The following COL25A1 variants were observed in gnomAD, a reference collection of about 807,000 sequenced individuals.
COL25A1 encodes the protein collagen type XXV alpha 1 chain.
Under a neutral mutation model 128.4 loss-of-function variants are expected in COL25A1, and 103 were observed. That is an observed-to-expected ratio of 0.80 (90% CI 0.68 to 0.94). The LOEUF (loss-of-function observed/expected upper bound fraction) is 0.94. Ranked by LOEUF, COL25A1 falls within the 40% of genes least tolerant of loss-of-function variation. The probability of loss-of-function intolerance (pLI) is 0.00; values close to 1 mark genes in which losing one functional copy is unlikely to be tolerated. For synonymous variants in COL25A1, 279 were observed against 277.2 expected (o/e 1.01, Z -0.06); for missense variants, 745 against 840.0 (o/e 0.89, Z 1.40).
intron 26 of COL25A1, among the ~76,000 whole-genome samples, chr4:108,851,623 G>C (rs1176388320): frequency 6.6e-6 from 1 of 152,172 alleles, no homozygotes; most frequent in African/African-American, 2.4e-5. Flanking sequence ...ATGGTTGAAT[G>C]ACTAAGCTTC....
At chr4:108,866,484 T>G (rs1737939843) in intron 20 of COL25A1, among the ~76,000 whole-genome samples, 1 of 152,202 alleles carries the variant, frequency 6.6e-6, no homozygotes, top group Non-Finnish European at 1.5e-5. Flanking sequence ...TAAGCCACCA[T>G]GCCCAGGCCC....
chr4:109,264,550 T>A (rs909013995), intron 3 of COL25A1, among the ~76,000 whole-genome samples: 1 of 151,864 alleles, frequency 6.6e-6, no homozygotes, highest in Non-Finnish European at 1.5e-5. Flanking sequence ...GAATGAAAAA[T>A]TATGGGTGGT....
At chr4:108,977,680 T>A (rs1217585588) in intron 6 of COL25A1, among the ~76,000 whole-genome samples, 1 of 152,228 alleles carries the variant, frequency 6.6e-6, no homozygotes, top group African/African-American at 2.4e-5. Flanking sequence ...GGCAACACTG[T>A]AAGCACTGGG....
chr4:109,113,907 C>A (rs1767276844), intron 3 of COL25A1, among the ~76,000 whole-genome samples: 1 of 152,004 alleles, frequency 6.6e-6, no homozygotes, highest in African/African-American at 2.4e-5. Context: ...GTGTCCAGTT[C>A]CTCAATTATA....
intron 19 of COL25A1, among the ~76,000 whole-genome samples, chr4:108,872,673 T>C (rs551460724): frequency 1.4e-5 from 2 of 140,262 alleles, no homozygotes; most frequent in Admixed American, 7.6e-5. Flanking sequence ...AAGTCAGGCA[T>C]TAGATTTGAT....
intron 3 of COL25A1, among the ~76,000 whole-genome samples, chr4:109,134,787 C>T (rs937789200): frequency 2.6e-5 from 4 of 151,810 alleles, no homozygotes; most frequent in African/African-American, 9.7e-5. Flanking sequence ...CAAACAACTA[C>T]GTGGAAAGGT....
At chr4:109,296,540 G>T (rs985251157) in intron 3 of COL25A1, among the ~76,000 whole-genome samples, 2 of 152,010 alleles carry the variant, frequency 1.3e-5, no homozygotes, top group Admixed American at 6.6e-5. Context: ...ACAGTATTTG[G>T]CATACAGCAG....
chr4:108,961,023 A>T (rs950546927), intron 8 of COL25A1, among the ~76,000 whole-genome samples: 9 of 152,174 alleles, frequency 5.9e-5, no homozygotes, highest in African/African-American at 2.2e-4. Context: ...AAAAACAATT[A>T]ATTAGAAGAT....
At position 108,817,392 on chromosome 4, in the gene COL25A1, C is replaced by G. The variant is rs758901195; in HGVS notation, c.1962+5G>C. 6 of 1,613,060 alleles carry G rather than the reference C, an allele frequency of 3.7e-6. No homozygotes were observed. The highest frequency in any genetic ancestry group is 3.3e-5 in the Admixed American group (2 of 59,974). Reference sequence around the variant, plus strand: ...TCTTTTGAGAAATTATTCAGTAAAGCCTACCTTTTGCCAACAGCCAGGCAT... The same window carrying G: ...TCTTTTGAGAAATTATTCAGTAAAGGCTACCTTTTGCCAACAGCCAGGCAT... On this transcript the variant is annotated splice_donor_5th_base_variant and intron_variant, in intron 37 of 37. Coordinates refer to ENST00000399132, the MANE Select transcript of COL25A1 (RefSeq NM_198721.4).
chr4:109,297,263 AT>A (rs1247265635), intron 3 of COL25A1, among the ~76,000 whole-genome samples: 1 of 152,168 alleles, frequency 6.6e-6, no homozygotes, highest in Non-Finnish European at 1.5e-5. Context: ...GCCCAACTCT[AT>A]TAATCTGTTT....
At chr4:109,281,872 T>G (rs1161296544) in intron 3 of COL25A1, among the ~76,000 whole-genome samples, 2 of 152,236 alleles carry the variant, frequency 1.3e-5, no homozygotes, top group African/African-American at 4.8e-5. Context: ...AACTATACCT[T>G]TATTTTAGAG....
chr4:108,879,965 C>T (rs565652422), intron 19 of COL25A1, among the ~76,000 whole-genome samples: 9 of 151,284 alleles, frequency 5.9e-5, no homozygotes, highest in Admixed American at 1.3e-4. Context: ...CCTGCCACCA[C>T]GCCCAGCTAA....
intron 3 of COL25A1, among the ~76,000 whole-genome samples, chr4:109,098,470 T>G (rs1427860618): frequency 1.3e-5 from 2 of 152,230 alleles, no homozygotes; most frequent in Non-Finnish European, 2.9e-5. Flanking sequence ...ATAAAGCAAG[T>G]GCTCATATGA....
At chr4:109,105,702 A>G (rs1766364327) in intron 3 of COL25A1, among the ~76,000 whole-genome samples, 1 of 152,198 alleles carries the variant, frequency 6.6e-6, no homozygotes, top group Non-Finnish European at 1.5e-5. Context: ...CCTGGTTTTA[A>G]AGAGTGTAAA....
At chr4:109,267,038 T>C (rs1019813381) in intron 3 of COL25A1, among the ~76,000 whole-genome samples, 10 of 152,192 alleles carry the variant, frequency 6.6e-5, no homozygotes, top group African/African-American at 2.4e-4. Context: ...CAAATTTTAC[T>C]GGTGTGCATT....
intron 3 of COL25A1, among the ~76,000 whole-genome samples, chr4:109,156,423 C>A (rs1772042072): frequency 6.6e-6 from 1 of 152,122 alleles, no homozygotes; most frequent in Non-Finnish European, 1.5e-5. Flanking sequence ...CATATTCTAG[C>A]AAAATTAGCT....
chr4:109,212,981 T>C (rs982174554), intron 3 of COL25A1, among the ~76,000 whole-genome samples: 1 of 152,138 alleles, frequency 6.6e-6, no homozygotes, highest in African/African-American at 2.4e-5. Flanking sequence ...TAAGTAATAA[T>C]AGAGATGTAT....
At chr4:108,976,931 C>G (rs551605229) in intron 6 of COL25A1, among the ~76,000 whole-genome samples, 1 of 152,146 alleles carries the variant, frequency 6.6e-6, no homozygotes, top group Non-Finnish European at 1.5e-5. Context: ...CACAATCCAA[C>G]GAGATAAGTA....
intron 3 of COL25A1, among the ~76,000 whole-genome samples, chr4:109,115,217 TA>T (rs1372271280): frequency 6.6e-6 from 1 of 152,092 alleles, no homozygotes; most frequent in African/African-American, 2.4e-5. Flanking sequence ...GGGATTTGCC[TA>T]AACACAAAGA....
Sources: allele counts gnomAD v4.1 joint callset (sites outside exome capture counted in the v4.1 genomes callset), GRCh38; gene constraint gnomAD v4.1.1; transcripts MANE v1.5; gene names NCBI Gene and HGNC (gene_info 2026-07-23, HGNC 2026-07-21).